The following ZFP64 variants were observed in gnomAD, a reference collection of about 807,000 sequenced individuals.
The protein encoded by ZFP64 is ZFP64 zinc finger protein, also known as zinc finger protein 64.
In ZFP64, 14 loss-of-function variants were observed where a neutral mutation model predicts 51.6. That is an observed-to-expected ratio of 0.27 (90% confidence interval 0.18 to 0.42). The LOEUF (loss-of-function observed/expected upper bound fraction) is 0.42, where lower values mean the gene tolerates loss of function less well. ZFP64 is among the 10% of genes least tolerant of loss of function. ZFP64 has a pLI of 1.00. For synonymous variants in ZFP64, 375 were observed against 361.4 expected (o/e 1.04, Z -0.43); for missense variants, 754 against 906.8 (o/e 0.83, Z 2.16).
intron 5 of ZFP64, among the ~76,000 whole-genome samples, chr20:52,127,140 C>T (rs1027757601): frequency 3.0e-4 from 45 of 151,814 alleles, no homozygotes; most frequent in African/African-American, 1.1e-3. Flanking sequence ...TTAGTAGAGA[C>T]GGGGTTTCAC....
At chr20:52,092,540 C>T (rs374152681) in intron 7 of ZFP64, among the ~76,000 whole-genome samples, 2,309 of 152,204 alleles carry the variant, frequency 0.015, 43 homozygotes, top group African/African-American at 0.044. Flanking sequence ...TGTAAAACTG[C>T]GAAGTCTGGA....
At chr20:52,180,547 CA>C (rs10669415) in intron 2 of ZFP64, among the ~76,000 whole-genome samples, 1,653 of 87,144 alleles carry the variant, frequency 0.019, 18 homozygotes, top group African/African-American at 0.047. Flanking sequence ...CCAGAAATGG[CA>C]AAAAAAAAAA....
chr20:52,175,708 G>A (rs1568700112), intron 2 of ZFP64, among the ~76,000 whole-genome samples: 1 of 152,134 alleles, frequency 6.6e-6, no homozygotes, highest in African/African-American at 2.4e-5. Context: ...GCCGGACGTG[G>A]TGGTGGGCGC....
downstream of ZFP64, among the ~76,000 whole-genome samples, chr20:52,149,611 G>A (rs369648888): frequency 6.6e-6 from 1 of 152,156 alleles, no homozygotes; most frequent in South Asian, 2.1e-4. Context: ...GTGAGAATAC[G>A]GAGGGGCTGG....
intron 5 of ZFP64, among the ~76,000 whole-genome samples, chr20:52,137,997 A>G (rs1242090929): frequency 2.0e-5 from 3 of 151,546 alleles, no homozygotes. Context: ...GAAACACGGA[A>G]AAACCCCATC....
intron 5 of ZFP64, chr20:52,104,920 ATCCAGGCGGGGAAGGGGACGGTGGAC>A: frequency 3.0e-6 from 2 of 663,708 alleles, no homozygotes. Flanking sequence ...GGCTAGAGGA[ATCCAGGCGGGGAAGGGGACGGTGGAC>A]TCCAGGAGAG....
Position 52,152,774 on chromosome 20 carries a change from G to A in ZFP64, c.1418C>T (p.Thr473Met), listed in dbSNP as rs778105974. Reference sequence around the variant, plus strand: ...CTGGAGGTGTCCCACAGTGAGGGGCGTGGCGGGCTGCTTGCTGGGGTCGAT... The same window carrying A: ...CTGGAGGTGTCCCACAGTGAGGGGCATGGCGGGCTGCTTGCTGGGGTCGAT... The part of the protein sequence containing the change: ...FQIDPSKQPA[T>M]PLTVGHLQVP... Residue 473 changes from threonine to methionine, a missense_variant, in exon 6 of 6, where the codon ACG becomes ATG. This residue lies in a region of ZFP64 where 428 missense variants were observed against 472.4 expected (regional missense o/e 0.91). Transcript: ENST00000216923. The A allele has an allele frequency of 5.6e-6, 9 of 1,604,708 alleles. No individual in the cohort carries two copies. Among genetic ancestry groups the A allele is most frequent in the Middle Eastern group, 1.7e-4 (1 of 6,028 alleles).
chr20:52,184,150 C>T (rs775128986), intron 2 of ZFP64, among the ~76,000 whole-genome samples: 6 of 152,120 alleles, frequency 3.9e-5, no homozygotes, highest in African/African-American at 4.8e-5. Context: ...CTGGCCCTGA[C>T]GTCTGATGCT....
rs371757814 is a variant in ZFP64, at chr20:52,112,170, TTC to T, written c.764-13585_764-13584del. Among the ~76,000 whole-genome samples the T allele has an allele frequency of 2.5e-3, 379 of 151,954 alleles. 2 individuals are homozygous for T. The highest frequency in any genetic ancestry group is 8.7e-3 in the African/African-American group (362 of 41,424). ...CACCTGTGTGATCTCAAGAAAAGTGTTCTGTGTCCCATTTTTCTCATTAATAA... is the reference window on the plus strand; with the variant it reads ...CACCTGTGTGATCTCAAGAAAAGTGTTGTGTCCCATTTTTCTCATTAATAA... On this transcript the variant is annotated intron_variant, in intron 5 of 8. Coordinates refer to the ZFP64 transcript ENST00000361387.
At position 52,189,125 on chromosome 20, in the gene ZFP64, C is replaced by T. The variant is rs116045750; in HGVS notation, c.47-2054G>A. On this transcript the variant is annotated intron_variant, in intron 1 of 5. Transcript: ENST00000216923. Reference sequence around the variant, plus strand: ...TCATTTTCTTTACACTTAAAAGTTGCGTAAGATGGCTCACGCCTGTAACCC... The same window carrying T: ...TCATTTTCTTTACACTTAAAAGTTGTGTAAGATGGCTCACGCCTGTAACCC... Among the ~76,000 whole-genome samples the T allele has an allele frequency of 4.6e-3, 705 of 152,086 alleles. 7 individuals are homozygous for T. Among genetic ancestry groups the T allele is most frequent in the African/African-American group, 0.016 (663 of 41,484 alleles).
chr20:52,100,201 G>A (rs956021763), intron 5 of ZFP64, among the ~76,000 whole-genome samples: 8 of 152,028 alleles, frequency 5.3e-5, no homozygotes, highest in African/African-American at 1.9e-4. Flanking sequence ...GTGTTAGCCA[G>A]GATGGTCTCG....
At position 52,160,030 on chromosome 20, in the gene ZFP64, A is replaced by C; in HGVS notation, c.763+93T>G. 2 of 1,572,396 alleles carry C rather than the reference A, an allele frequency of 1.3e-6. No homozygotes were observed. The highest frequency in any genetic ancestry group is 1.7e-6 in the Non-Finnish European group (2 of 1,160,694). ...CGGGATGAGCAAAGGTTCCAACTCGATTTCTTACATTGTGGCTGAATGCTT... is the reference window on the plus strand; with the variant it reads ...CGGGATGAGCAAAGGTTCCAACTCGCTTTCTTACATTGTGGCTGAATGCTT... On this transcript the variant is annotated intron_variant, in intron 5 of 5. Transcript: ENST00000216923. The surrounding 1 kb of genome is among the most constrained non-coding windows in gnomAD (Gnocchi z 4.2).
At chr20:52,166,930 C>T (rs954056574) in intron 2 of ZFP64, among the ~76,000 whole-genome samples, 6 of 145,162 alleles carry the variant, frequency 4.1e-5, no homozygotes, top group Non-Finnish European at 6.1e-5. Context: ...TAACATTCTT[C>T]TCAGCATAAG....
chr20:52,170,083 G>C (rs1001393187), intron 2 of ZFP64, among the ~76,000 whole-genome samples: 5 of 151,940 alleles, frequency 3.3e-5, no homozygotes, highest in Admixed American at 3.3e-4. Context: ...AGTCCCATTT[G>C]TCTGTTTTCA....
At chr20:52,141,140 T>A (rs1359635105) in intron 5 of ZFP64, among the ~76,000 whole-genome samples, 2 of 152,188 alleles carry the variant, frequency 1.3e-5, no homozygotes, top group Non-Finnish European at 2.9e-5. Flanking sequence ...ATACATCTGG[T>A]CACCCAAGAG....
At position 52,111,021 on chromosome 20, in the gene ZFP64, G is replaced by A. The variant is rs184751611; in HGVS notation, c.764-12434C>T. On this transcript the variant is annotated intron_variant, in intron 5 of 8. Coordinates refer to the ZFP64 transcript ENST00000361387. ...AAGTGACCGTATCCAGGGGAAGGGC[G>A]CGCTTGGTGTGCAGGCCGCTGCTGC... 151 of 1,450,246 alleles carry A rather than the reference G, an allele frequency of 1.0e-4. No homozygotes were observed. The Admixed American group carries it at 2.6e-3, about 25-fold the overall frequency. 89.8% of individuals were successfully genotyped at this position (1,450,246 alleles called of 1,614,324 possible).
At chr20:52,148,478 A>G (rs958664326), downstream of ZFP64, among the ~76,000 whole-genome samples, 3 of 152,246 alleles carry the variant, frequency 2.0e-5, no homozygotes, top group Non-Finnish European at 4.4e-5. Flanking sequence ...AGGTGGGCAG[A>G]TCACTGGAGG....
At chr20:52,104,924 A>G in intron 5 of ZFP64, 1 of 667,906 alleles carries the variant, frequency 1.5e-6, no homozygotes, top group South Asian at 1.8e-5. Flanking sequence ...AGAGGAATCC[A>G]GGCGGGGAAG....
At chr20:52,166,790 A>G (rs1374387327) in intron 2 of ZFP64, among the ~76,000 whole-genome samples, 1 of 152,102 alleles carries the variant, frequency 6.6e-6, no homozygotes, top group African/African-American at 2.4e-5. Context: ...TGTCCCTATA[A>G]TTTATGCCAG....
Sources: gnomAD v4.1 joint callset for allele counts (sites outside exome capture counted in the v4.1 genomes callset) on GRCh38, gnomAD v4.1.1 for gene constraint, gnomAD v4.1.1 regional missense constraint, Gnocchi (gnomAD v3.1) non-coding constraint, MANE v1.5 for transcripts, NCBI Gene and HGNC (gene_info 2026-07-23, HGNC 2026-07-21) for gene names.